BMPER: variants seen among roughly 807,000 people sequenced by gnomAD.
BMPER encodes BMP-binding endothelial regulator protein.
A neutral mutation model predicts 87.3 loss-of-function variants in BMPER; 45 were observed. The observed-to-expected ratio is 0.52, with a 90% CI of 0.41 to 0.66. BMPER has a LOEUF of 0.66. Ranked by LOEUF, BMPER falls within the 30% of genes least tolerant of loss-of-function variation. BMPER has a pLI of 0.00. For missense variants in BMPER, 784 were observed against 867.5 expected (o/e 0.90, Z 1.21); for synonymous variants, 326 against 316.2 (o/e 1.03, Z -0.33).
chr7:33,939,624 ATGCTGTTCTCG>A (rs1186491748), intron 3 of BMPER, among the ~76,000 whole-genome samples: 6 of 152,158 alleles, frequency 3.9e-5, no homozygotes, highest in Non-Finnish European at 1.5e-5. Context: ...GGTTTCCGCT[ATGCTGTTCTCG>A]TGCTGTTCAC....
chr7:33,976,566 T>G (rs1246042852), intron 6 of BMPER, among the ~76,000 whole-genome samples: 1 of 150,482 alleles, frequency 6.6e-6, no homozygotes, highest in Middle Eastern at 3.2e-3. Flanking sequence ...TTTCTGATAA[T>G]TTTTTTTAAA....
At chr7:33,990,068 C>T (rs1328197208) in intron 6 of BMPER, among the ~76,000 whole-genome samples, 10 of 151,684 alleles carry the variant, frequency 6.6e-5, no homozygotes, top group Admixed American at 6.6e-5. Context: ...CAGCTTTGTT[C>T]TTTTGGCTTA....
At chr7:34,120,527 T>A (rs573272196) in intron 13 of BMPER, among the ~76,000 whole-genome samples, 1 of 152,246 alleles carries the variant, frequency 6.6e-6, no homozygotes, top group South Asian at 2.1e-4. Context: ...GCCTCCTGAG[T>A]AGCTGGAATT....
At chr7:33,930,846 G>A (rs1228678326) in intron 2 of BMPER, among the ~76,000 whole-genome samples, 5 of 152,170 alleles carry the variant, frequency 3.3e-5, no homozygotes, top group African/African-American at 9.7e-5. Flanking sequence ...GCTACTTCTG[G>A]AGGCTGAGAT....
At chr7:34,035,610 A>C (rs1787642729) in intron 6 of BMPER, among the ~76,000 whole-genome samples, 1 of 152,186 alleles carries the variant, frequency 6.6e-6, no homozygotes, top group Non-Finnish European at 1.5e-5. Context: ...ACCTCAAGAA[A>C]CCTCAATGGA....
intron 13 of BMPER, 94 bp downstream of exon 13, chr7:34,086,186 A>G: frequency 7.0e-7 from 1 of 1,418,996 alleles, no homozygotes; most frequent in Middle Eastern, 2.3e-4. Flanking sequence ...GTTGTGCAGG[A>G]CAAAGGCTCA....
chr7:34,119,478 C>G (rs1048294752), intron 13 of BMPER, among the ~76,000 whole-genome samples: 3 of 152,172 alleles, frequency 2.0e-5, no homozygotes, highest in Non-Finnish European at 4.4e-5. Flanking sequence ...TCATCATGTT[C>G]TCTACTGTTG....
intron 2 of BMPER, among the ~76,000 whole-genome samples, chr7:33,914,003 C>T (rs1410137894): frequency 1.3e-5 from 2 of 150,918 alleles, no homozygotes; most frequent in African/African-American, 4.9e-5. Flanking sequence ...GCTCAGTTGC[C>T]CAGGCTGGAG....
At chr7:34,086,908 G>A (rs932517213) in intron 13 of BMPER, among the ~76,000 whole-genome samples, 3 of 152,074 alleles carry the variant, frequency 2.0e-5, no homozygotes, top group African/African-American at 4.8e-5. Context: ...GGTGTGGGAG[G>A]AAACACAAGA....
chr7:34,076,875 G>A (rs1484967663), intron 11 of BMPER, among the ~76,000 whole-genome samples: 1 of 152,056 alleles, frequency 6.6e-6, no homozygotes, highest in Non-Finnish European at 1.5e-5. Flanking sequence ...AAAACCTTAG[G>A]AGGTACCTTG....
intron 6 of BMPER, among the ~76,000 whole-genome samples, chr7:34,023,477 C>T (rs1320346690): frequency 6.6e-6 from 1 of 152,058 alleles, no homozygotes; most frequent in African/African-American, 2.4e-5. Flanking sequence ...CTCCTCTGAG[C>T]TATCTGTCCT....
intron 2 of BMPER, among the ~76,000 whole-genome samples, chr7:33,919,923 A>ATATCTGTCTGTCTATC (rs60667742): frequency 1.3e-5 from 2 of 150,712 alleles, no homozygotes; most frequent in African/African-American, 4.9e-5. Flanking sequence ...ATCTGTGTAC[A>ATATCTGTCTGTCTATC]TATCTATCTA....
intron 14 of BMPER, among the ~76,000 whole-genome samples, chr7:34,145,642 A>G (rs1337873704): frequency 6.6e-6 from 1 of 152,162 alleles, no homozygotes; most frequent in Non-Finnish European, 1.5e-5. Context: ...GGAAAAATGA[A>G]TAAAATAAAT....
At chr7:33,963,758 A>G (rs1301976076) in intron 3 of BMPER, among the ~76,000 whole-genome samples, 1 of 152,250 alleles carries the variant, frequency 6.6e-6, no homozygotes, top group East Asian at 1.9e-4. Flanking sequence ...GCGCCATTGC[A>G]CTCTAGCCTG....
At chr7:34,099,140 C>T (rs990890385) in intron 13 of BMPER, among the ~76,000 whole-genome samples, 1 of 152,172 alleles carries the variant, frequency 6.6e-6, no homozygotes, top group Non-Finnish European at 1.5e-5. Context: ...AAGGGCTTTC[C>T]CTGCAGGTGT....
At chr7:34,028,710 C>CTT (rs1005803887) in intron 6 of BMPER, among the ~76,000 whole-genome samples, 7 of 132,586 alleles carry the variant, frequency 5.3e-5, no homozygotes, top group African/African-American at 1.9e-4. Flanking sequence ...GGTCCTCAAT[C>CTT]TTGATGCTTC....
intron 6 of BMPER, among the ~76,000 whole-genome samples, chr7:34,011,176 T>C (rs2127940966): frequency 6.6e-6 from 1 of 151,974 alleles, no homozygotes; most frequent in African/African-American, 2.4e-5. Flanking sequence ...ACCTGGGATC[T>C]AGTTGCAATA....
intron 6 of BMPER, among the ~76,000 whole-genome samples, chr7:34,027,161 G>A (rs1487150899): frequency 6.6e-6 from 1 of 152,162 alleles, no homozygotes; most frequent in Non-Finnish European, 1.5e-5. Flanking sequence ...TAAGTCAGCA[G>A]TTCTCAAAGT....
chr7:34,152,686 A>G (rs1312814529), intron 14 of BMPER, among the ~76,000 whole-genome samples: 1 of 152,140 alleles, frequency 6.6e-6, no homozygotes, highest in Non-Finnish European at 1.5e-5. Context: ...GGGTAATTTC[A>G]TATATTTGAA....
Sources: gnomAD v4.1 joint callset for allele counts (sites outside exome capture counted in the v4.1 genomes callset) on GRCh38, gnomAD v4.1.1 for gene constraint, MANE v1.5 for transcripts, NCBI Gene and HGNC (gene_info 2026-07-23, HGNC 2026-07-21) for gene names.